The following ABHD18 variants were observed in gnomAD, a reference collection of about 807,000 sequenced individuals.
ABHD18 encodes the protein cardiolipin-specific deacylase, mitochondrial.
Under a neutral mutation model 65.9 loss-of-function variants are expected in ABHD18, and 55 were observed. The ratio of observed to expected loss-of-function variants is 0.84; its 90% confidence interval spans 0.67 to 1.05. The LOEUF (loss-of-function observed/expected upper bound fraction) is 1.05, where lower values mean the gene tolerates loss of function less well. Among genes scored for constraint, ABHD18 ranks in the 50% least tolerant of loss-of-function variants. The pLI is 0.00. For missense variants in ABHD18, 533 were observed against 558.5 expected, an observed-to-expected ratio of 0.95 and a Z score of 0.46; for synonymous variants, 181 against 180.2, an observed-to-expected ratio of 1.00 and a Z score of -0.04.
rs533200204 is a variant in ABHD18 at position 128,012,918 on chromosome 4, T to C, written c.470+1218T>C. 2.6e-3 allele frequency among the ~76,000 whole-genome samples: 400 copies of C among 151,566 alleles called. 1 individual carries two copies. Among genetic ancestry groups the C allele is most frequent in the Non-Finnish European group, 4.6e-3 (312 of 67,910 alleles). On this transcript the variant is annotated intron_variant, in intron 7 of 12. Coordinates refer to ENST00000645843, the MANE Select transcript of ABHD18 (RefSeq NM_001358451.3). ...CTGTGTCTACTAAAAATACAAAAAT[T>C]AGCCAGGCATGGTGGTATGCACCTG...
chr4:127,966,287 GATCACAAGT>G, intron 1 of ABHD18, among the ~76,000 whole-genome samples: 1 of 152,040 alleles, frequency 6.6e-6, no homozygotes, highest in Non-Finnish European at 1.5e-5. Context: ...AATTTCATTT[GATCACAAGT>G]ATCCTATGAG....
At chr4:128,018,088 C>T (rs1165709784) in intron 8 of ABHD18, among the ~76,000 whole-genome samples, 1 of 152,156 alleles carries the variant, frequency 6.6e-6, no homozygotes, top group Non-Finnish European at 1.5e-5. Context: ...CTAGTGCTCC[C>T]TTATTCTCTT....
At chr4:127,995,897 C>A (rs1196944837) in intron 4 of ABHD18, among the ~76,000 whole-genome samples, 2 of 152,204 alleles carry the variant, frequency 1.3e-5, no homozygotes, top group South Asian at 2.1e-4. Context: ...ATAAAAAATT[C>A]TTTGTAGGTA....
intron 8 of ABHD18, among the ~76,000 whole-genome samples, chr4:128,018,039 G>A (rs79427216): frequency 6.6e-6 from 1 of 152,138 alleles, no homozygotes; most frequent in Non-Finnish European, 1.5e-5. Flanking sequence ...AAGCTTGCGT[G>A]CACACTGGGC....
intron 3 of ABHD18, 141 bp from the exon 4 acceptor site, chr4:127,989,580 G>A (rs1750578617): frequency 3.9e-6 from 2 of 510,022 alleles, no homozygotes; most frequent in Admixed American, 3.6e-5. Flanking sequence ...TTAAAATAAA[G>A]TACAGTGGCA....
intron 10 of ABHD18, among the ~76,000 whole-genome samples, chr4:128,022,051 G>T (rs568665869): frequency 6.6e-6 from 1 of 152,104 alleles, no homozygotes; most frequent in Non-Finnish European, 1.5e-5. Flanking sequence ...GACACAGGGC[G>T]GGGAACATCA....
At position 127,989,735 on chromosome 4, in the gene ABHD18, A is replaced by G; in HGVS notation, c.192A>G (p.Ser64=). ...TTTTCTTTTAGATTGAAGAGCAATC[A>G]GATTGTAAGATCTTAGATGGACACT... ...PVHIDKIEEQ[S]DCKILDGHFV... is the part of the protein sequence containing the mutation. The change falls in exon 4 of 13, where the codon TCA becomes TCG. Residue 64 remains serine, a synonymous_variant. Coordinates refer to ENST00000645843, the MANE Select transcript of ABHD18 (RefSeq NM_001358451.3). 6.3e-7 allele frequency: 1 copy of G among 1,583,286 alleles called. No individual in the cohort carries two copies. Among genetic ancestry groups the G allele is most frequent in the South Asian group, 1.2e-5 (1 of 84,996 alleles).
intron 4 of ABHD18, among the ~76,000 whole-genome samples, chr4:127,995,404 A>G (rs1255806291): frequency 2.0e-5 from 3 of 152,230 alleles, no homozygotes; most frequent in Non-Finnish European, 4.4e-5. Context: ...CAAAATGTAG[A>G]TAATTCCTGT....
intron 4 of ABHD18, among the ~76,000 whole-genome samples, chr4:127,990,665 G>T (rs1750761862): frequency 6.6e-6 from 1 of 152,118 alleles, no homozygotes; most frequent in Non-Finnish European, 1.5e-5. Context: ...AAGAAACGTG[G>T]TAACTTAGAC....
At chr4:128,017,962 T>C (rs1211940618) in intron 8 of ABHD18, among the ~76,000 whole-genome samples, 2 of 152,176 alleles carry the variant, frequency 1.3e-5, no homozygotes, top group Non-Finnish European at 2.9e-5. Context: ...CCATTTCTCC[T>C]CCACACCCTA....
In ABHD18 at chr4:128,038,183, C is replaced by T. The variant is rs1030272609; in HGVS notation, c.*2370C>T. 2.0e-5 allele frequency: 3 copies of T among 152,162 alleles called. No individual in the cohort carries two copies. The highest frequency in any genetic ancestry group is 4.4e-5 in the Non-Finnish European group (3 of 68,030). 9.4% of individuals were successfully genotyped at this position (152,162 alleles called of 1,614,324 possible). ...AGACAAAGTAGTAACTTCTTTCAAACTACTTTGGCATAACAAGCCAACACT... is the reference window on the plus strand; with the variant it reads ...AGACAAAGTAGTAACTTCTTTCAAATTACTTTGGCATAACAAGCCAACACT... On this transcript the variant is annotated 3_prime_UTR_variant, in exon 13 of 13. Coordinates refer to ENST00000645843, the MANE Select transcript of ABHD18 (RefSeq NM_001358451.3).
intron 12 of ABHD18, among the ~76,000 whole-genome samples, chr4:128,032,586 T>G (rs1392782667): frequency 6.6e-6 from 1 of 151,962 alleles, no homozygotes; most frequent in Non-Finnish European, 1.5e-5. Context: ...CTCAGGAGGC[T>G]GAGGCAGGAG....
intron 7 of ABHD18, 52 bp from the exon 8 acceptor site, chr4:128,017,311 T>C (rs1465391349): frequency 6.4e-7 from 1 of 1,557,252 alleles, no homozygotes; most frequent in Non-Finnish European, 8.8e-7. Context: ...TTGCATATAT[T>C]AGCATGTAAA....
chr4:127,995,432 T>A (rs79133831), intron 4 of ABHD18, among the ~76,000 whole-genome samples: 2,193 of 152,340 alleles, frequency 0.014, 62 homozygotes, highest in African/African-American at 0.05. Flanking sequence ...TCATGCTTAC[T>A]ACTGATCTAG....
chr4:127,987,637 G>A (rs944552365), intron 3 of ABHD18, among the ~76,000 whole-genome samples: 2 of 151,754 alleles, frequency 1.3e-5, no homozygotes, highest in Admixed American at 6.6e-5. Flanking sequence ...GCTTGAATCT[G>A]GGAGGCAGAG....
chr4:128,000,991 T>C (rs1752550204), intron 4 of ABHD18, among the ~76,000 whole-genome samples: 1 of 152,192 alleles, frequency 6.6e-6, no homozygotes, highest in African/African-American at 2.4e-5. Context: ...TAATTTTCTA[T>C]CTTGAAACTT....
chr4:127,987,787 C>A (rs17012841), intron 3 of ABHD18, among the ~76,000 whole-genome samples: 12,170 of 151,820 alleles, frequency 0.08, 976 homozygotes, highest in East Asian at 0.27. Flanking sequence ...TAAATTGGAA[C>A]GTTTTTTTGG....
intron 1 of ABHD18, among the ~76,000 whole-genome samples, chr4:127,971,287 G>A (rs78517556): frequency 0.01 from 1,530 of 149,766 alleles, 27 homozygotes; most frequent in African/African-American, 0.034. Flanking sequence ...ATGAAGTCTT[G>A]CATTCCAATG....
In ABHD18 at chr4:127,983,876, A is replaced by C. The variant is rs543697795; in HGVS notation, c.93-463A>C. Among the ~76,000 whole-genome samples, 22 of 152,112 alleles carry C rather than the reference A, an allele frequency of 1.4e-4. 1 individual carries two copies. Among genetic ancestry groups the C allele is most frequent in the South Asian group, 6.2e-4 (3 of 4,822 alleles). ...CGTCTCAAAAAAAATAAAAAAAATA[A>C]AAAAATACAAAAATTAGCCAGGTGT... is the stretch of plus-strand genomic sequence containing the variant. On this transcript the variant is annotated intron_variant, in intron 2 of 12. Coordinates refer to ENST00000645843, the MANE Select transcript of ABHD18 (RefSeq NM_001358451.3).
Sources: allele counts gnomAD v4.1 joint callset (sites outside exome capture counted in the v4.1 genomes callset), GRCh38; gene constraint gnomAD v4.1.1; transcripts MANE v1.5; gene names NCBI Gene and HGNC (gene_info 2026-07-23, HGNC 2026-07-21).